VIRMA: variants seen among roughly 807,000 people sequenced by gnomAD.
The protein encoded by VIRMA is protein virilizer homolog.
A neutral mutation model predicts 182.4 loss-of-function variants in VIRMA; 65 were observed. That is an observed-to-expected ratio of 0.36 (90% CI 0.29 to 0.44). VIRMA has a LOEUF of 0.44. Ranked by LOEUF, VIRMA falls within the 20% of genes least tolerant of loss-of-function variation. The pLI is 1.00. For missense variants in VIRMA, 1,752 were observed against 2,158.1 expected (o/e 0.81, Z 3.73); for synonymous variants, 709 against 743.1 (o/e 0.95, Z 0.75).
intron 3 of VIRMA, 76 bp from the exon 4 acceptor site, chr8:94,537,227 C>G: frequency 2.1e-6 from 2 of 947,984 alleles, no homozygotes; most frequent in Non-Finnish European, 3.4e-6. Context: ...TCTCTAGATT[C>G]AAATATTTTA....
intron 8 of VIRMA, among the ~76,000 whole-genome samples, chr8:94,522,340 C>G (rs1016504077): frequency 6.6e-6 from 1 of 152,216 alleles, no homozygotes; most frequent in Non-Finnish European, 1.5e-5. Flanking sequence ...TGTGAGAGGA[C>G]TCTGGAAGCT....
Position 94,538,324 on chromosome 8 carries a change from G to C in VIRMA, c.202C>G (p.Gln68Glu). ...AYGETSPHTF[Q>E]LDLFFNNVSK... ...ACATTGTTGAAGAATAAGTCTAATT[G>C]AAATGTATGGGGAGATGTCTCTCTG... Residue 68 changes from glutamine to glutamate, a missense_variant, in exon 3 of 24, where the codon CAA (glutamine) becomes GAA (glutamate). By Grantham distance (29) the Gln-to-Glu change is conservative. Around this residue, in one of 11 missense-constraint regions of VIRMA, gnomAD observed 195 missense variants for 191.7 expected, o/e 1.02. Transcript: ENST00000297591. 1 of 1,611,492 alleles carries C rather than the reference G, an allele frequency of 6.2e-7. No homozygotes were observed. Among genetic ancestry groups the C allele is most frequent in the East Asian group, 2.2e-5 (1 of 44,796 alleles).
At chr8:94,492,950 C>T (rs1024628262) in intron 20 of VIRMA, 132 bp from the exon 21 acceptor site, 1 of 756,172 alleles carries the variant, frequency 1.3e-6, no homozygotes, top group African/African-American at 1.8e-5. Flanking sequence ...CTACCTCTTT[C>T]ATCTTTTCAA....
intron 1 of VIRMA, among the ~76,000 whole-genome samples, chr8:94,544,736 A>G (rs1245760182): frequency 6.6e-6 from 1 of 151,980 alleles, no homozygotes; most frequent in African/African-American, 2.4e-5. Flanking sequence ...TGCATGGCCA[A>G]ATGAATTCAG....
chr8:94,502,775 A>AT (rs1199381115), intron 16 of VIRMA, among the ~76,000 whole-genome samples: 1 of 152,036 alleles, frequency 6.6e-6, no homozygotes, highest in Admixed American at 6.5e-5. Context: ...TACTTAAAAA[A>AT]TTTTTTTTTA....
chr8:94,500,998 C>A (rs1335763282), intron 16 of VIRMA, among the ~76,000 whole-genome samples: 1 of 151,974 alleles, frequency 6.6e-6, no homozygotes, highest in Non-Finnish European at 1.5e-5. Context: ...GTAATCCCAG[C>A]ACTTTGGGAG....
intron 8 of VIRMA, among the ~76,000 whole-genome samples, chr8:94,522,005 A>C (rs934699021): frequency 2.0e-5 from 3 of 152,200 alleles, no homozygotes; most frequent in African/African-American, 7.2e-5. Context: ...ACTGATAAGA[A>C]TGGTTCCTTG....
At chr8:94,548,516 T>A (rs896049020) in intron 1 of VIRMA, among the ~76,000 whole-genome samples, 2 of 151,154 alleles carry the variant, frequency 1.3e-5, no homozygotes, top group African/African-American at 4.9e-5. Flanking sequence ...TCAACAGGAA[T>A]ATACAAATAC....
chr8:94,547,899 A>T (rs1815829812), intron 1 of VIRMA, among the ~76,000 whole-genome samples: 1 of 150,156 alleles, frequency 6.7e-6, no homozygotes, highest in Non-Finnish European at 1.5e-5. Context: ...TAAAAACTAG[A>T]CGGGCATGGT....
chr8:94,518,124 C>T (rs986562259), intron 9 of VIRMA, among the ~76,000 whole-genome samples, 182 bp from the exon 10 acceptor site: 5 of 152,254 alleles, frequency 3.3e-5, no homozygotes, highest in African/African-American at 9.6e-5. Context: ...GAAACCATTA[C>T]TTTACTTAAA....
Position 94,514,960 on chromosome 8 carries a change from G to GA in VIRMA, c.2669-10dup. ...AAGCCACTTGCCAAGTTCTTAAAAA[G>GA]AAAAATAATTTATAATATTTAAAAA... is the stretch of plus-strand genomic sequence containing the variant. On this transcript the variant is annotated splice_polypyrimidine_tract_variant and intron_variant, in intron 10 of 23. Transcript: ENST00000297591. The GA allele has an allele frequency of 7.1e-7, 1 of 1,411,502 alleles. No individual in the cohort carries two copies. 87.4% of individuals were successfully genotyped at this position (1,411,502 alleles called of 1,614,324 possible). A position where few individuals can be genotyped will look rare whatever the true frequency, so the allele number is the denominator to read the frequency against.
chr8:94,501,118 T>C (rs780743981), intron 16 of VIRMA, among the ~76,000 whole-genome samples: 4 of 151,526 alleles, frequency 2.6e-5, no homozygotes, highest in Non-Finnish European at 5.9e-5. Context: ...TAGCCAGGCA[T>C]GGTGGCAGGC....
intron 1 of VIRMA, among the ~76,000 whole-genome samples, chr8:94,549,150 C>T (rs1815884605): frequency 6.6e-6 from 1 of 152,206 alleles, no homozygotes; most frequent in South Asian, 2.1e-4. Context: ...AGTTTAACTG[C>T]TTATCTTCTG....
intron 4 of VIRMA, 123 bp from the exon 5 acceptor site, chr8:94,535,130 G>C: frequency 2.8e-6 from 4 of 1,407,678 alleles, no homozygotes; most frequent in Non-Finnish European, 3.7e-6. Flanking sequence ...AAAATGCAAA[G>C]TCAACACAAA....
chr8:94,504,511 A>G (rs908392539), intron 16 of VIRMA, among the ~76,000 whole-genome samples: 4 of 152,128 alleles, frequency 2.6e-5, no homozygotes, highest in Non-Finnish European at 4.4e-5. Context: ...CATTATAGAG[A>G]GTTTGGATTT....
chr8:94,545,876 G>A (rs1009131558), intron 1 of VIRMA, among the ~76,000 whole-genome samples: 1 of 152,014 alleles, frequency 6.6e-6, no homozygotes, highest in South Asian at 2.1e-4. Context: ...GGGCAATATA[G>A]GAAGATCCTG....
At chr8:94,546,065 A>G (rs1180082281) in intron 1 of VIRMA, among the ~76,000 whole-genome samples, 1 of 146,004 alleles carries the variant, frequency 6.8e-6, no homozygotes, top group Non-Finnish European at 1.5e-5. Context: ...AAAAAAAAAA[A>G]AGGGAAAGAA....
At chr8:94,552,844 A>C (rs1214076123) in intron 1 of VIRMA, among the ~76,000 whole-genome samples, 1 of 152,176 alleles carries the variant, frequency 6.6e-6, no homozygotes, top group African/African-American at 2.4e-5. Context: ...AATGTGTGAA[A>C]TCTCTCCGAG....
intron 16 of VIRMA, among the ~76,000 whole-genome samples, chr8:94,504,672 T>C (rs914001640): frequency 6.6e-6 from 1 of 152,150 alleles, no homozygotes; most frequent in South Asian, 2.1e-4. Context: ...TGCAATGGGC[T>C]ATGCAAGAAA....
Sources: allele counts gnomAD v4.1 joint callset (sites outside exome capture counted in the v4.1 genomes callset), GRCh38; gene constraint gnomAD v4.1.1; regional missense constraint gnomAD v4.1.1; transcripts MANE v1.5; gene names NCBI Gene and HGNC (gene_info 2026-07-23, HGNC 2026-07-21).